The following UBE2E2 variants were observed in gnomAD, a reference collection of about 807,000 sequenced individuals.
UBE2E2 encodes the protein ubiquitin-conjugating enzyme E2 E2.
A neutral mutation model predicts 24.7 loss-of-function variants in UBE2E2; 6 were observed. That is an observed-to-expected ratio of 0.24 (90% CI 0.13 to 0.48). The LOEUF (loss-of-function observed/expected upper bound fraction) is 0.48. UBE2E2 is among the 20% of genes least tolerant of loss of function. The pLI is 0.99. For missense variants in UBE2E2, 169 were observed against 245.0 expected, an observed-to-expected ratio of 0.69 and a Z score of 2.07; for synonymous variants, 104 against 83.6, an observed-to-expected ratio of 1.24 and a Z score of -1.33.
intron 3 of UBE2E2, among the ~76,000 whole-genome samples, chr3:23,300,485 A>T (rs1699043071): frequency 6.6e-6 from 1 of 152,084 alleles, no homozygotes; most frequent in Non-Finnish European, 1.5e-5. Context: ...CCTGGTGGTG[A>T]CAAAATCTCT....
intron 3 of UBE2E2, among the ~76,000 whole-genome samples, chr3:23,420,905 A>G (rs1697781001): frequency 6.6e-6 from 1 of 152,226 alleles, no homozygotes; most frequent in Non-Finnish European, 1.5e-5. Context: ...GAGTAAAGAT[A>G]TGAAGAACTG....
intron 3 of UBE2E2, among the ~76,000 whole-genome samples, chr3:23,406,267 CTCTT>C (rs1043393395): frequency 6.6e-6 from 1 of 152,088 alleles, no homozygotes; most frequent in African/African-American, 2.4e-5. Flanking sequence ...TTCTCTTTTT[CTCTT>C]TCTTTTTTAT....
At chr3:23,582,765 T>G (rs1223901015) in intron 5 of UBE2E2, among the ~76,000 whole-genome samples, 1 of 152,144 alleles carries the variant, frequency 6.6e-6, no homozygotes, top group African/African-American at 2.4e-5. Flanking sequence ...CTTGTAAATT[T>G]AAGTTCCATG....
intron 3 of UBE2E2, among the ~76,000 whole-genome samples, chr3:23,297,391 A>T (rs1559337742): frequency 6.6e-6 from 1 of 151,764 alleles, no homozygotes. Context: ...GCCCATGCCT[A>T]TGTCCTGAAT....
At chr3:23,458,459 C>A (rs945198268) in intron 3 of UBE2E2, among the ~76,000 whole-genome samples, 2 of 148,710 alleles carry the variant, frequency 1.3e-5, no homozygotes, top group Non-Finnish European at 3.0e-5. Flanking sequence ...TCTCTATCGC[C>A]CAGGCTGGAG....
intron 5 of UBE2E2, among the ~76,000 whole-genome samples, chr3:23,579,248 G>T (rs1179152333): frequency 6.6e-6 from 1 of 152,094 alleles, no homozygotes; most frequent in Non-Finnish European, 1.5e-5. Flanking sequence ...AGCCAGGCAT[G>T]ATGGCAGGTG....
At chr3:23,298,439 C>G (rs1200944772) in intron 3 of UBE2E2, among the ~76,000 whole-genome samples, 1 of 152,178 alleles carries the variant, frequency 6.6e-6, no homozygotes, top group Non-Finnish European at 1.5e-5. Context: ...ATAGATAGCT[C>G]TTATTATTTT....
intron 3 of UBE2E2, among the ~76,000 whole-genome samples, chr3:23,325,030 C>G (rs1694845176): frequency 6.6e-6 from 1 of 152,022 alleles, no homozygotes; most frequent in South Asian, 2.1e-4. Flanking sequence ...AGGACTAGTC[C>G]TAATGAAAAC....
chr3:23,392,354 A>G (rs1696959070), intron 3 of UBE2E2, among the ~76,000 whole-genome samples: 1 of 152,152 alleles, frequency 6.6e-6, no homozygotes, highest in Non-Finnish European at 1.5e-5. Context: ...ATTAAAATCC[A>G]GTTGAGTTTT....
At chr3:23,437,124 C>T (rs1221787400) in intron 3 of UBE2E2, among the ~76,000 whole-genome samples, 1 of 152,226 alleles carries the variant, frequency 6.6e-6, no homozygotes, top group East Asian at 1.9e-4. Flanking sequence ...TTTCACTTGA[C>T]TCTGGCCACG....
At chr3:23,300,839 A>G (rs1335366393) in intron 3 of UBE2E2, among the ~76,000 whole-genome samples, 1 of 152,016 alleles carries the variant, frequency 6.6e-6, no homozygotes, top group Non-Finnish European at 1.5e-5. Context: ...CTGCCTTGCT[A>G]GATTGGGGAA....
At chr3:23,488,342 G>A (rs1343663247) in intron 3 of UBE2E2, among the ~76,000 whole-genome samples, 1 of 151,902 alleles carries the variant, frequency 6.6e-6, no homozygotes, top group African/African-American at 2.4e-5. Flanking sequence ...TTCTCCAAAT[G>A]TTATTCCTCC....
chr3:23,380,323 G>A (rs1452254314), intron 3 of UBE2E2, among the ~76,000 whole-genome samples: 4 of 152,140 alleles, frequency 2.6e-5, no homozygotes, highest in Non-Finnish European at 5.9e-5. Context: ...GGGCTCAAGC[G>A]ATTTTTCTGA....
At chr3:23,546,719 C>T (rs567710991) in intron 5 of UBE2E2, among the ~76,000 whole-genome samples, 41 of 151,912 alleles carry the variant, frequency 2.7e-4, no homozygotes, top group African/African-American at 9.9e-4. Context: ...GTGATCCGCC[C>T]ACCTCAGCCT....
At chr3:23,466,853 C>T (rs890183016) in intron 3 of UBE2E2, among the ~76,000 whole-genome samples, 1 of 152,186 alleles carries the variant, frequency 6.6e-6, no homozygotes, top group African/African-American at 2.4e-5. Context: ...AGGCATGAGC[C>T]ACCGCACTCG....
At chr3:23,269,076 G>A (rs1011784122) in intron 3 of UBE2E2, among the ~76,000 whole-genome samples, 16 of 152,026 alleles carry the variant, frequency 1.1e-4, no homozygotes, top group Middle Eastern at 3.4e-3. Context: ...AGACTTAAAC[G>A]TTAGACCTAA....
intron 3 of UBE2E2, among the ~76,000 whole-genome samples, chr3:23,260,532 TG>T (rs1277043894): frequency 6.6e-6 from 1 of 152,196 alleles, no homozygotes; most frequent in Non-Finnish European, 1.5e-5. Context: ...ATGGAACTTA[TG>T]GCCTGTACAT....
intron 3 of UBE2E2, among the ~76,000 whole-genome samples, chr3:23,250,593 T>C (rs1247231132): frequency 6.6e-6 from 1 of 152,244 alleles, no homozygotes; most frequent in Non-Finnish European, 1.5e-5. Flanking sequence ...GATGAAACTA[T>C]TGAATGCATT....
intron 3 of UBE2E2, among the ~76,000 whole-genome samples, chr3:23,375,601 T>G (rs1696502703): frequency 6.6e-6 from 1 of 152,318 alleles, no homozygotes; most frequent in South Asian, 2.1e-4. Flanking sequence ...CATACTCTTG[T>G]AGTTGGGAAA....
Sources: gnomAD v4.1 joint callset for allele counts (sites outside exome capture counted in the v4.1 genomes callset) on GRCh38, gnomAD v4.1.1 for gene constraint, MANE v1.5 for transcripts, NCBI Gene and HGNC (gene_info 2026-07-23, HGNC 2026-07-21) for gene names.